Variants in POFUT3 observed in about 807,000 individuals in gnomAD.
POFUT3 encodes protein O-fucosyltransferase 3, also known as GDP-fucose protein O-fucosyltransferase 3.
the POFUT3 span, among the ~76,000 whole-genome samples, chr8:33,320,864 T>G: frequency 6.6e-6 from 1 of 151,994 alleles, no homozygotes; most frequent in African/African-American, 2.4e-5. Context: ...TCCCAGAAAT[T>G]ATCACTTCTG....
At chr8:33,322,911 G>A in the POFUT3 span, among the ~76,000 whole-genome samples, 11 of 151,296 alleles carry the variant, frequency 7.3e-5, no homozygotes, top group Non-Finnish European at 1.5e-5. Context: ...GTTAGATTTT[G>A]TTTCTGAGGT....
At chr8:33,347,632 T>C in the POFUT3 span, among the ~76,000 whole-genome samples, 2 of 152,214 alleles carry the variant, frequency 1.3e-5, no homozygotes, top group African/African-American at 4.8e-5. Flanking sequence ...GAATTCAAAG[T>C]CATAAATTCA....
At chr8:33,471,583 T>C in the POFUT3 span, among the ~76,000 whole-genome samples, 4 of 152,206 alleles carry the variant, frequency 2.6e-5, no homozygotes, top group African/African-American at 9.6e-5. Context: ...CATTTAAATA[T>C]GGGTTGGAAA....
the POFUT3 span, chr8:33,452,403 T>A: frequency 6.6e-6 from 1 of 152,146 alleles, no homozygotes. Flanking sequence ...ACCTTTAGGT[T>A]ACTTTAAAAG....
At chr8:33,420,120 C>A in the POFUT3 span, among the ~76,000 whole-genome samples, 1 of 151,944 alleles carries the variant, frequency 6.6e-6, no homozygotes, top group Non-Finnish European at 1.5e-5. Flanking sequence ...CAAACTGAGA[C>A]CCTGTCTCAA....
At chr8:33,422,025 A>G in the POFUT3 span, among the ~76,000 whole-genome samples, 1 of 125,430 alleles carries the variant, frequency 8.0e-6, no homozygotes. Flanking sequence ...ACAGAAAACA[A>G]AAACAAAAAC....
At chr8:33,435,869 T>C in the POFUT3 span, among the ~76,000 whole-genome samples, 2 of 152,016 alleles carry the variant, frequency 1.3e-5, no homozygotes, top group Admixed American at 6.6e-5. Flanking sequence ...TGAAAAACCA[T>C]TTATCTCACC....
the POFUT3 span, among the ~76,000 whole-genome samples, chr8:33,421,264 T>C: frequency 2.0e-5 from 3 of 152,210 alleles, no homozygotes; most frequent in Non-Finnish European, 2.9e-5. Context: ...AAATGGGAAT[T>C]CAGTCTTGTT....
chr8:33,369,614 C>CT, the POFUT3 span, among the ~76,000 whole-genome samples: 2 of 152,054 alleles, frequency 1.3e-5, no homozygotes, highest in African/African-American at 4.8e-5. Flanking sequence ...CTATTAATGA[C>CT]TTTTTTAATG....
the POFUT3 span, among the ~76,000 whole-genome samples, chr8:33,360,098 T>A: frequency 6.6e-6 from 1 of 151,986 alleles, no homozygotes; most frequent in Middle Eastern, 3.4e-3. Flanking sequence ...ATAAGTGCCA[T>A]TATATATGAC....
the POFUT3 span, among the ~76,000 whole-genome samples, chr8:33,390,217 C>G: frequency 1.3e-3 from 200 of 151,102 alleles, no homozygotes; most frequent in African/African-American, 4.8e-3. Context: ...CACACACACA[C>G]ACACACACAT....
chr8:33,449,576 C>A, the POFUT3 span, among the ~76,000 whole-genome samples: 1 of 152,016 alleles, frequency 6.6e-6, no homozygotes, highest in African/African-American at 2.4e-5. Context: ...AGGCGTGAGC[C>A]GCCGCGTCTG....
At chr8:33,316,441 C>G in the POFUT3 span, among the ~76,000 whole-genome samples, 4 of 152,016 alleles carry the variant, frequency 2.6e-5, no homozygotes, top group African/African-American at 9.6e-5. Flanking sequence ...AAAATTTTAG[C>G]CAGGCACGGT....
At chr8:33,416,090 G>A in the POFUT3 span, among the ~76,000 whole-genome samples, 1 of 151,848 alleles carries the variant, frequency 6.6e-6, no homozygotes, top group African/African-American at 2.4e-5. Flanking sequence ...ATTGCATCCA[G>A]AAAACAAAAA....
the POFUT3 span, among the ~76,000 whole-genome samples, chr8:33,344,680 G>A: frequency 6.6e-6 from 1 of 152,214 alleles, no homozygotes; most frequent in Non-Finnish European, 1.5e-5. Flanking sequence ...ACAGACGAAG[G>A]TTGTGATACA....
the POFUT3 span, among the ~76,000 whole-genome samples, chr8:33,467,405 C>A: frequency 6.6e-6 from 1 of 151,936 alleles, no homozygotes; most frequent in Non-Finnish European, 1.5e-5. Context: ...TATGAGACTC[C>A]AAGACAAAAG....
the POFUT3 span, among the ~76,000 whole-genome samples, chr8:33,446,696 G>A: frequency 2.6e-5 from 4 of 152,090 alleles, no homozygotes; most frequent in Non-Finnish European, 4.4e-5. Flanking sequence ...TAGGTACCCT[G>A]AGCAATAAAC....
chr8:33,341,161 C>T, the POFUT3 span, among the ~76,000 whole-genome samples: 11 of 152,068 alleles, frequency 7.2e-5, no homozygotes, highest in East Asian at 1.5e-3. Context: ...TTTGGCGAGG[C>T]GCGGTGGCTC....
At chr8:33,351,816 C>G in the POFUT3 span, among the ~76,000 whole-genome samples, 4 of 152,122 alleles carry the variant, frequency 2.6e-5, no homozygotes, top group African/African-American at 4.8e-5. Flanking sequence ...AGGATAGAGG[C>G]TATAACTGTA....
Sources: allele counts gnomAD v4.1 joint callset (sites outside exome capture counted in the v4.1 genomes callset), GRCh38; gene constraint gnomAD v4.1.1; transcripts MANE v1.5; gene names NCBI Gene and HGNC (gene_info 2026-07-23, HGNC 2026-07-21).